The following MADD variants were observed in gnomAD, a reference collection of about 807,000 sequenced individuals.
MADD encodes MAP kinase-activating death domain protein.
A neutral mutation model predicts 176.7 loss-of-function variants in MADD; 109 were observed. That is an observed-to-expected ratio of 0.62 (90% CI 0.53 to 0.72). The LOEUF is 0.72. Among genes scored for constraint, MADD ranks in the 30% least tolerant of loss-of-function variants. The pLI is 0.00. For missense variants in MADD, 1,914 were observed against 2,045.5 expected, an observed-to-expected ratio of 0.94 and a Z score of 1.24; for synonymous variants, 771 against 771.3, an observed-to-expected ratio of 1.00 and a Z score of 0.01.
chr11:47,316,459 G>C lies in MADD; in HGVS notation c.4197+1132G>C, dbSNP rs542456508. ...GCTGGAGTGCAATGGCTTGATCTCA[G>C]CTCACTGCAACCTCCACCTCCTGGG... On this transcript the variant is annotated intron_variant, in intron 27 of 32. Transcript: ENST00000402192. 6.3e-5 allele frequency among the ~76,000 whole-genome samples: 9 copies of C among 143,378 alleles called. No homozygotes were observed. The East Asian group carries it at 1.8e-3, about 29-fold the overall frequency. 94.1% of individuals were successfully genotyped at this position (143,378 alleles called of 152,430 possible).
chr11:47,301,409 C>T (rs758963128), intron 22 of MADD, among the ~76,000 whole-genome samples: 1 of 152,264 alleles, frequency 6.6e-6, no homozygotes, highest in Non-Finnish European at 1.5e-5. Context: ...TGAGCCACCA[C>T]GCCCGGCCTA....
At chr11:47,294,966 A>G (rs1164075400) in intron 20 of MADD, among the ~76,000 whole-genome samples, 1 of 151,022 alleles carries the variant, frequency 6.6e-6, no homozygotes, top group East Asian at 1.9e-4. Flanking sequence ...TCTTTCATGT[A>G]TTTTCTACAG....
intron 22 of MADD, among the ~76,000 whole-genome samples, chr11:47,297,789 C>CT (rs35063043): frequency 0.13 from 15,227 of 113,374 alleles, 3,339 homozygotes; most frequent in African/African-American, 0.46. Context: ...TTCTTTCTTT[C>CT]TTTTTTTTTT....
intron 27 of MADD, among the ~76,000 whole-genome samples, chr11:47,318,619 G>A (rs975119315): frequency 6.6e-6 from 1 of 151,976 alleles, no homozygotes; most frequent in African/African-American, 2.4e-5. Context: ...CTGGAGTGTG[G>A]GACTGGACCC....
chr11:47,329,859 A>G (rs972814207), exon 33 of MADD: 3 of 152,646 alleles, frequency 2.0e-5, no homozygotes, highest in Admixed American at 6.5e-5. Context: ...AGGGGGCAGG[A>G]AAGACCAAGC....
intron 22 of MADD, among the ~76,000 whole-genome samples, chr11:47,303,853 C>T (rs377004402): frequency 6.6e-6 from 1 of 151,954 alleles, no homozygotes; most frequent in Admixed American, 6.6e-5. Context: ...AATGATCTGC[C>T]CGCCTTGGCC....
Position 47,324,667 on chromosome 11 carries a change from G to T in MADD, c.4542+90G>T, listed in dbSNP as rs749752963. On this transcript the variant is annotated intron_variant, in intron 30 of 32. Coordinates refer to ENST00000402192, the Ensembl canonical transcript of MADD. ...CCCCCAGTACTTCCCCAGCAAGCAT[G>T]AGAGAGGGCCCTCTGGAGCTAGAGG... 1.3e-5 allele frequency: 11 copies of T among 864,490 alleles called. 1 individual carries two copies. In the South Asian group the frequency reaches 1.5e-4, roughly 12 times the overall value. The allele number at this position is 864,490 out of a possible 1,614,324, so 53.6% of individuals were successfully genotyped here.
chr11:47,311,390 T>C (rs2088997909), intron 25 of MADD, among the ~76,000 whole-genome samples: 1 of 152,208 alleles, frequency 6.6e-6, no homozygotes, highest in Non-Finnish European at 1.5e-5. Flanking sequence ...TCTAAGTCAT[T>C]GTTTCTGAAT....
In MADD at chr11:47,295,971, C is replaced by T. The variant is rs761414909; in HGVS notation, c.3558C>T (p.Gly1186=). The change falls in exon 22 of 33, where the codon GGC becomes GGT. Residue 1186 remains glycine (G), a synonymous_variant. Transcript: ENST00000402192. ...GCAATGCAGGTGATGGACCAGGTGG[C>T]GAGGGCAGTGTTCACCTGGCAAGCT... The T allele has an allele frequency of 1.3e-5, 21 of 1,613,918 alleles. 1 individual carries two copies. The highest frequency in any genetic ancestry group is 3.3e-4 in the Middle Eastern group (2 of 6,062).
chr11:47,329,250 T>C, exon 33 of MADD: 1 of 884,496 alleles, frequency 1.1e-6, no homozygotes. Context: ...TGGATGATGC[T>C]CGTGTGTCCT....
intron 16 of MADD, 140 bp from the exon 18 acceptor site, chr11:47,289,727 G>A: frequency 1.0e-6 from 1 of 987,446 alleles, no homozygotes; most frequent in South Asian, 1.5e-5. Context: ...CTCCAGAGAG[G>A]TGGGGATGTG....
At chr11:47,306,576 GCTTA>G (rs1433272952) in intron 22 of MADD, among the ~76,000 whole-genome samples, 8 of 152,174 alleles carry the variant, frequency 5.3e-5, no homozygotes, top group Non-Finnish European at 8.8e-5. Context: ...GAATTGTCTT[GCTTA>G]CTTCCTTGCT....
chr11:47,329,011 C>T (rs750907921), intron 32 of MADD, 35 bp from the exon 37 acceptor site: 9 of 1,501,260 alleles, frequency 6.0e-6, no homozygotes, highest in Non-Finnish European at 8.4e-6. Context: ...GGAGGAGTCT[C>T]AGTATCGTGA....
chr11:47,321,757 G>C (rs1393782067), intron 27 of MADD, among the ~76,000 whole-genome samples: 1 of 152,116 alleles, frequency 6.6e-6, no homozygotes, highest in East Asian at 1.9e-4. Context: ...CAGTGATGGA[G>C]TGTAGTTAGT....
At chr11:47,328,590 G>A in intron 31 of MADD, 68 bp from the exon 36 acceptor site, 2 of 1,608,996 alleles carry the variant, frequency 1.2e-6, no homozygotes, top group Non-Finnish European at 1.7e-6. Flanking sequence ...GCTGCCGCCT[G>A]GGGGAGCATG....
chr11:47,270,899 A>T (rs1281693852), intron 1 of MADD: 2 of 152,174 alleles, frequency 1.3e-5, no homozygotes, highest in Non-Finnish European at 2.9e-5. Flanking sequence ...GAGGTAGAGG[A>T]GGGGAGGAGA....
At position 47,290,066 on chromosome 11, in the gene MADD, G is replaced by A; in HGVS notation, c.2943+13G>A. 1 of 1,613,286 alleles carries A rather than the reference G, an allele frequency of 6.2e-7. No homozygotes were observed. Among genetic ancestry groups the A allele is most frequent in the Non-Finnish European group, 8.5e-7 (1 of 1,179,200 alleles). ...CATCCCGGATGTGGTCAGTGTTGGG[G>A]GTAGGGAATCGGAGTAACTGGAGAG... On this transcript the variant is annotated intron_variant, in intron 17 of 32. Coordinates refer to ENST00000402192, the Ensembl canonical transcript of MADD.
At chr11:47,317,076 A>G (rs750882246) in intron 27 of MADD, among the ~76,000 whole-genome samples, 21 of 152,178 alleles carry the variant, frequency 1.4e-4, no homozygotes, top group Non-Finnish European at 2.6e-4. Flanking sequence ...AAGATAGCAC[A>G]TCTTATCCAT....
exon 27 of MADD, chr11:47,315,268 A>C (rs1394631355): frequency 1.2e-5 from 19 of 1,613,964 alleles, no homozygotes; most frequent in Non-Finnish European, 1.5e-5. Context: ...GCACATGAAG[A>C]AGCAGACATT....
Sources: gnomAD v4.1 joint callset for allele counts (sites outside exome capture counted in the v4.1 genomes callset) on GRCh38, gnomAD v4.1.1 for gene constraint, MANE v1.5 for transcripts, NCBI Gene and HGNC (gene_info 2026-07-23, HGNC 2026-07-21) for gene names.